Variants in OTUD7A observed in about 807,000 individuals in gnomAD.
The protein encoded by OTUD7A is OTU deubiquitinase 7A.
In OTUD7A, 12 loss-of-function variants were observed where a neutral mutation model predicts 65.7. The observed-to-expected ratio is 0.18, with a 90% confidence interval of 0.12 to 0.30. OTUD7A has a LOEUF of 0.30. OTUD7A is among the 10% of genes least tolerant of loss of function. The pLI is 1.00. For missense variants in OTUD7A, 1,148 were observed against 1,304.8 expected (o/e 0.88, Z 1.85); for synonymous variants, 641 against 586.3 (o/e 1.09, Z -1.35).
intron 8 of OTUD7A, among the ~76,000 whole-genome samples, chr15:31,515,569 C>T (rs1440734389): frequency 6.6e-6 from 1 of 152,026 alleles, no homozygotes; most frequent in Non-Finnish European, 1.5e-5. Flanking sequence ...CATCCTTCTT[C>T]CTATCTATCT....
At chr15:31,501,928 G>A (rs958193368) in intron 9 of OTUD7A, 89 bp from the exon 10 acceptor site, 25 of 1,399,634 alleles carry the variant, frequency 1.8e-5, no homozygotes, top group Admixed American at 4.4e-5. Flanking sequence ...TCACTACCCC[G>A]GGGGGACTCC....
intron 8 of OTUD7A, among the ~76,000 whole-genome samples, chr15:31,518,233 G>A (rs1313256493): frequency 1.3e-5 from 2 of 152,150 alleles, no homozygotes; most frequent in African/African-American, 4.8e-5. Context: ...CAGCACTTTG[G>A]GAGGCCGAGG....
chr15:31,730,882 T>C (rs1229722804), intron 1 of OTUD7A, among the ~76,000 whole-genome samples: 1 of 152,224 alleles, frequency 6.6e-6, no homozygotes, highest in Non-Finnish European at 1.5e-5. Flanking sequence ...GGACCATTGA[T>C]AGTTCAAACT....
chr15:31,553,884 G>C (rs1474695850), intron 5 of OTUD7A, among the ~76,000 whole-genome samples: 1 of 152,002 alleles, frequency 6.6e-6, no homozygotes, highest in Non-Finnish European at 1.5e-5. Flanking sequence ...CCAGCAGCCA[G>C]AATCTGTCAG....
At chr15:31,584,717 T>C (rs1038453857) in intron 3 of OTUD7A, among the ~76,000 whole-genome samples, 6 of 152,168 alleles carry the variant, frequency 3.9e-5, no homozygotes, top group African/African-American at 1.4e-4. Context: ...TCTTTGGATA[T>C]GAAAGTCTGG....
chr15:31,514,482 TTCTC>T (rs1215838869), intron 8 of OTUD7A, among the ~76,000 whole-genome samples: 1 of 152,246 alleles, frequency 6.6e-6, no homozygotes, highest in East Asian at 1.9e-4. Context: ...ATTTTCATCT[TTCTC>T]TCCCTCTCAA....
At chr15:31,673,758 A>T (rs1892536662) in intron 1 of OTUD7A, among the ~76,000 whole-genome samples, 1 of 152,206 alleles carries the variant, frequency 6.6e-6, no homozygotes, top group East Asian at 1.9e-4. Flanking sequence ...TTTCAAGGAA[A>T]AGACAGCCTA....
intron 3 of OTUD7A, among the ~76,000 whole-genome samples, chr15:31,630,766 T>G (rs1891121070): frequency 7.3e-6 from 1 of 136,660 alleles, no homozygotes; most frequent in Admixed American, 7.2e-5. Context: ...TGAATCTTGG[T>G]GCTCCTGTAT....
intron 1 of OTUD7A, among the ~76,000 whole-genome samples, chr15:31,819,992 T>C (rs1369866010): frequency 1.3e-5 from 2 of 152,132 alleles, no homozygotes; most frequent in Non-Finnish European, 2.9e-5. Flanking sequence ...AACTAAGAAG[T>C]TGAATACAAC....
At chr15:31,681,501 A>G (rs1435334328) in intron 1 of OTUD7A, among the ~76,000 whole-genome samples, 2 of 151,562 alleles carry the variant, frequency 1.3e-5, no homozygotes, top group South Asian at 2.1e-4. Context: ...ATGTCTTTCA[A>G]TCTATCTTGT....
intron 1 of OTUD7A, among the ~76,000 whole-genome samples, chr15:31,750,537 C>T (rs1258534426): frequency 6.6e-6 from 1 of 151,824 alleles, no homozygotes; most frequent in Non-Finnish European, 1.5e-5. Context: ...CAAAAAGAGC[C>T]TGAATAGCCA....
chr15:31,740,596 A>C (rs1463975682), intron 1 of OTUD7A, among the ~76,000 whole-genome samples: 2 of 152,118 alleles, frequency 1.3e-5, no homozygotes, highest in Non-Finnish European at 2.9e-5. Context: ...TTGGTTTAAA[A>C]AAGAATCCAA....
intron 3 of OTUD7A, among the ~76,000 whole-genome samples, chr15:31,608,348 A>C (rs1178009373): frequency 6.6e-6 from 1 of 152,228 alleles, no homozygotes; most frequent in African/African-American, 2.4e-5. Context: ...AACTCGGTGC[A>C]TATGGTTAAG....
intron 5 of OTUD7A, among the ~76,000 whole-genome samples, 157 bp from the exon 6 acceptor site, chr15:31,530,965 A>G (rs2042077982): frequency 3.3e-5 from 5 of 152,190 alleles, no homozygotes; most frequent in Non-Finnish European, 1.5e-5. Flanking sequence ...TAAAATATAG[A>G]TTTCTTTTCC....
chr15:31,490,507 A>G (rs1353342674), intron 10 of OTUD7A, among the ~76,000 whole-genome samples: 1 of 152,250 alleles, frequency 6.6e-6, no homozygotes. Flanking sequence ...TTAACCCACC[A>G]GACAGCTGAA....
At chr15:31,700,155 T>C (rs1893181100) in intron 1 of OTUD7A, among the ~76,000 whole-genome samples, 1 of 151,830 alleles carries the variant, frequency 6.6e-6, no homozygotes, top group African/African-American at 2.4e-5. Context: ...GGCACCATCG[T>C]CCTTCATCTC....
intron 10 of OTUD7A, among the ~76,000 whole-genome samples, chr15:31,490,742 A>C (rs796446586): frequency 4.6e-5 from 7 of 152,354 alleles, no homozygotes; most frequent in African/African-American, 1.7e-4. Flanking sequence ...TCCTCTCCAC[A>C]GGACCTACCT....
chr15:31,795,267 G>A (rs541182854), intron 1 of OTUD7A, among the ~76,000 whole-genome samples: 10 of 152,272 alleles, frequency 6.6e-5, no homozygotes, highest in Admixed American at 2.0e-4. Flanking sequence ...TGGGAATCAC[G>A]GTATGATTGA....
intron 1 of OTUD7A, among the ~76,000 whole-genome samples, chr15:31,773,779 A>G (rs1003332999): frequency 1.3e-5 from 2 of 152,180 alleles, no homozygotes; most frequent in African/African-American, 4.8e-5. Context: ...ACACACACAC[A>G]TTTGCAGTCG....
Sources: allele counts gnomAD v4.1 joint callset (sites outside exome capture counted in the v4.1 genomes callset), GRCh38; gene constraint gnomAD v4.1.1; transcripts MANE v1.5; gene names NCBI Gene and HGNC (gene_info 2026-07-23, HGNC 2026-07-21).